KHDRBS2: variants seen among roughly 807,000 people sequenced by gnomAD.
The protein encoded by KHDRBS2 is KH domain-containing, RNA-binding, signal transduction-associated protein 2.
A neutral mutation model predicts 44.3 loss-of-function variants in KHDRBS2; 26 were observed. The ratio of observed to expected loss-of-function variants is 0.59; its 90% CI spans 0.43 to 0.81. KHDRBS2 has a LOEUF of 0.81. Among genes scored for constraint, KHDRBS2 ranks in the 40% least tolerant of loss-of-function variants. The pLI is 0.00. For synonymous variants in KHDRBS2, 194 were observed against 151.1 expected (o/e 1.28, Z -2.08); for missense variants, 476 against 433.1 (o/e 1.10, Z -0.88).
At chr6:62,092,795 C>T (rs1799726470) in intron 2 of KHDRBS2, among the ~76,000 whole-genome samples, 1 of 152,054 alleles carries the variant, frequency 6.6e-6, no homozygotes, top group Non-Finnish European at 1.5e-5. Context: ...AGAAATTCTA[C>T]ATTTAGGTTA....
At position 61,939,860 on chromosome 6, in the gene KHDRBS2, C is replaced by CA. The variant is rs560973145; in HGVS notation, c.483+38205dup. Reference sequence around the variant, plus strand: ...GCAAAATTATAGATTTCCTATCAATCAATTCAGAAGTATTCTAATACTTTT... The same window carrying CA: ...GCAAAATTATAGATTTCCTATCAATCAAATTCAGAAGTATTCTAATACTTTT... On this transcript the variant is annotated intron_variant, in intron 4 of 8. Coordinates refer to ENST00000281156, the MANE Select transcript of KHDRBS2 (RefSeq NM_152688.4). 1.8e-3 allele frequency among the ~76,000 whole-genome samples: 269 copies of CA among 152,244 alleles called. 2 individuals carry two copies. Among genetic ancestry groups the CA allele is most frequent in the African/African-American group, 6.1e-3 (255 of 41,556 alleles).
At chr6:61,757,479 G>A (rs1778660804) in intron 6 of KHDRBS2, among the ~76,000 whole-genome samples, 1 of 152,010 alleles carries the variant, frequency 6.6e-6, no homozygotes, top group African/African-American at 2.4e-5. Flanking sequence ...AGTTTAAAAT[G>A]TGTTTTTTGT....
intron 4 of KHDRBS2, among the ~76,000 whole-genome samples, chr6:61,948,356 A>G (rs1764024426): frequency 6.6e-6 from 1 of 152,096 alleles, no homozygotes; most frequent in Non-Finnish European, 1.5e-5. Context: ...TGCATTGAAA[A>G]CGATTTAAAA....
chr6:62,266,375 G>A (rs1000855080), intron 1 of KHDRBS2, among the ~76,000 whole-genome samples: 6 of 152,064 alleles, frequency 3.9e-5, no homozygotes, highest in African/African-American at 1.4e-4. Context: ...TGACATATCA[G>A]CGAATTATTG....
At chr6:61,685,635 C>A (rs1240584367) in intron 8 of KHDRBS2, among the ~76,000 whole-genome samples, 2 of 151,682 alleles carry the variant, frequency 1.3e-5, no homozygotes, top group East Asian at 3.9e-4. Context: ...TGGTAGTCAG[C>A]GTCACTGAGG....
At chr6:61,587,365 C>CTCTA in the KHDRBS2 span, among the ~76,000 whole-genome samples, 1 of 149,206 alleles carries the variant, frequency 6.7e-6, no homozygotes, top group Admixed American at 6.7e-5. Context: ...TTTTTTTTAT[C>CTCTA]TCTCTCTCTC....
rs1215259637 is a variant in KHDRBS2, at chr6:61,894,758, G to A, written c.687C>T (p.Thr229=). The change falls in exon 6 of 9, where the codon ACC becomes ACT. Residue 229 remains threonine (T), a synonymous_variant. Coordinates refer to ENST00000281156, the MANE Select transcript of KHDRBS2 (RefSeq NM_152688.4). ...GVLTPRGSTV[T]RGALPVPPVA... is the part of the protein sequence containing the mutation. ...CAGGTGGCACTGGAAGCGCTCCACG[G>A]GTTACAGTGCTTCCCCGAGGGGTGA... The A allele has an allele frequency of 1.2e-6, 2 of 1,613,610 alleles. No homozygotes were observed. The highest frequency in any genetic ancestry group is 2.2e-5 in the East Asian group (1 of 44,848).
At chr6:61,709,110 A>C (rs1047118875) in intron 7 of KHDRBS2, among the ~76,000 whole-genome samples, 4 of 151,522 alleles carry the variant, frequency 2.6e-5, no homozygotes, top group African/African-American at 9.7e-5. Flanking sequence ...TCAGGTGCTC[A>C]ATAACTATTA....
intron 7 of KHDRBS2, among the ~76,000 whole-genome samples, chr6:61,716,348 C>T (rs1384142969): frequency 6.6e-6 from 1 of 151,914 alleles, no homozygotes; most frequent in Non-Finnish European, 1.5e-5. Flanking sequence ...GCAGCTGCGG[C>T]CCCAGACATA....
At chr6:61,730,794 C>T (rs1774323889) in intron 7 of KHDRBS2, among the ~76,000 whole-genome samples, 2 of 151,744 alleles carry the variant, frequency 1.3e-5, no homozygotes, top group Admixed American at 6.6e-5. Flanking sequence ...AAGTTTTATT[C>T]TAAAATTATT....
intron 3 of KHDRBS2, among the ~76,000 whole-genome samples, chr6:62,001,653 C>A (rs964911591): frequency 2.0e-5 from 3 of 152,030 alleles, no homozygotes; most frequent in Non-Finnish European, 4.4e-5. Flanking sequence ...GCAAGTCATT[C>A]ATAGACTCTG....
intron 2 of KHDRBS2, among the ~76,000 whole-genome samples, chr6:62,095,330 A>G (rs963222401): frequency 1.3e-5 from 2 of 151,842 alleles, no homozygotes; most frequent in African/African-American, 4.8e-5. Context: ...CTGCACATAC[A>G]AAGGTGGTCC....
the KHDRBS2 span, among the ~76,000 whole-genome samples, chr6:61,649,070 C>T: frequency 1.3e-5 from 2 of 152,026 alleles, no homozygotes; most frequent in African/African-American, 2.4e-5. Flanking sequence ...CAGGTTCTCA[C>T]GTGGAGGAAG....
chr6:62,096,237 T>A (rs1160625711), intron 2 of KHDRBS2, among the ~76,000 whole-genome samples: 1 of 151,980 alleles, frequency 6.6e-6, no homozygotes, highest in Non-Finnish European at 1.5e-5. Flanking sequence ...AGAATCAATT[T>A]AGAAGAATTC....
At chr6:61,828,570 T>C (rs1353317188) in intron 6 of KHDRBS2, among the ~76,000 whole-genome samples, 2 of 152,196 alleles carry the variant, frequency 1.3e-5, no homozygotes, top group Non-Finnish European at 2.9e-5. Flanking sequence ...CATTAAAAGA[T>C]ATTATTCTTT....
intron 6 of KHDRBS2, among the ~76,000 whole-genome samples, chr6:61,771,727 C>A (rs1246420560): frequency 6.6e-6 from 1 of 152,108 alleles, no homozygotes; most frequent in East Asian, 1.9e-4. Flanking sequence ...GACTCACACA[C>A]AATAATAATG....
At chr6:61,577,993 C>T in the KHDRBS2 span, among the ~76,000 whole-genome samples, 1 of 151,980 alleles carries the variant, frequency 6.6e-6, no homozygotes. Flanking sequence ...TTTTAAAAGT[C>T]TCTCTTCATT....
intron 4 of KHDRBS2, among the ~76,000 whole-genome samples, chr6:61,947,250 T>G (rs1813566169): frequency 6.6e-6 from 1 of 152,102 alleles, no homozygotes; most frequent in Non-Finnish European, 1.5e-5. Flanking sequence ...GAATTGGCAA[T>G]GGAGAAGCTC....
At chr6:61,666,436 G>A in the KHDRBS2 span, among the ~76,000 whole-genome samples, 2 of 151,264 alleles carry the variant, frequency 1.3e-5, no homozygotes, top group South Asian at 2.1e-4. Context: ...AGAATAGGTG[G>A]TGGGGGAAAT....
Sources: allele counts gnomAD v4.1 joint callset (sites outside exome capture counted in the v4.1 genomes callset), GRCh38; gene constraint gnomAD v4.1.1; transcripts MANE v1.5; gene names NCBI Gene and HGNC (gene_info 2026-07-23, HGNC 2026-07-21).